The following PRRC2B variants were observed in gnomAD, a reference collection of about 807,000 sequenced individuals.
The protein encoded by PRRC2B is protein PRRC2B.
Under a neutral mutation model 242.3 loss-of-function variants are expected in PRRC2B, and 68 were observed. That is an observed-to-expected ratio of 0.28 (90% CI 0.23 to 0.34). The LOEUF (loss-of-function observed/expected upper bound fraction) is 0.34, where lower values mean the gene tolerates loss of function less well. PRRC2B is among the 10% of genes least tolerant of loss of function. The pLI, the probability that PRRC2B is intolerant of heterozygous loss-of-function variation, is 1.00. For synonymous variants in PRRC2B, 1,228 were observed against 1,173.6 expected, an observed-to-expected ratio of 1.05 and a Z score of -0.95; for missense variants, 2,835 against 2,954.8, an observed-to-expected ratio of 0.96 and a Z score of 0.94.
intron 3 of PRRC2B, among the ~76,000 whole-genome samples, chr9:131,436,160 T>G (rs938215980): frequency 6.6e-6 from 1 of 152,140 alleles, no homozygotes; most frequent in African/African-American, 2.4e-5. Flanking sequence ...GAGCTTTTAG[T>G]TTTTGCAGAC....
intron 9 of PRRC2B, among the ~76,000 whole-genome samples, chr9:131,453,771 ATCC>A: frequency 6.6e-6 from 1 of 152,234 alleles, no homozygotes; most frequent in South Asian, 2.1e-4. Context: ...GCCTCAAGTG[ATCC>A]TCCTGCCTTG....
chr9:131,408,197 A>T (rs1837417200), intron 1 of PRRC2B, among the ~76,000 whole-genome samples: 1 of 152,178 alleles, frequency 6.6e-6, no homozygotes, highest in Non-Finnish European at 1.5e-5. Context: ...AATTTACCTA[A>T]TGAGAGGTCT....
rs1034640356 is a variant in PRRC2B, at chr9:131,499,159, AC to A, written c.*3286del. 1 of 152,132 alleles carries A rather than the reference AC, an allele frequency of 6.6e-6. No individual in the cohort carries two copies. The highest frequency in any genetic ancestry group is 2.4e-5 in the African/African-American group (1 of 41,408). The allele number at this position is 152,132 out of a possible 1,614,324, so 9.4% of individuals were successfully genotyped here. A position where few individuals can be genotyped will look rare whatever the true frequency, so the allele number is the denominator to read the frequency against. ...CACTGGGGAACCTTGTTAAACGTTG[AC>A]ATCAGTGCTCTCCAGCCGTGCTGTC... On this transcript the variant is annotated 3_prime_UTR_variant, in exon 32 of 32. Transcript: ENST00000683519.
intron 11 of PRRC2B, among the ~76,000 whole-genome samples, chr9:131,460,265 C>T (rs1352965200): frequency 6.6e-6 from 1 of 152,202 alleles, no homozygotes; most frequent in Non-Finnish European, 1.5e-5. Flanking sequence ...CGAAATAATC[C>T]AGTTCAGAAT....
At chr9:131,415,594 T>C (rs1346924614) in intron 1 of PRRC2B, among the ~76,000 whole-genome samples, 1 of 152,082 alleles carries the variant, frequency 6.6e-6, no homozygotes, top group Non-Finnish European at 1.5e-5. Flanking sequence ...TCTGAAAAAG[T>C]CTTTTTCTGT....
chr9:131,399,002 A>G (rs1286099364), intron 1 of PRRC2B, among the ~76,000 whole-genome samples: 1 of 151,848 alleles, frequency 6.6e-6, no homozygotes, highest in Non-Finnish European at 1.5e-5. Flanking sequence ...TAGGTCGGGC[A>G]CGGTGGCTCA....
rs559752128 is a variant in PRRC2B, at chr9:131,383,391, C to G, written c.-56+9660C>G. On this transcript the variant is annotated intron_variant, in intron 1 of 1. Coordinates refer to the PRRC2B transcript ENST00000682525. ...AGCTGGAGGCCTCACATTCCTGGAT[C>G]AGATCATATTACAAGTTAGCTGTGG... Among the ~76,000 whole-genome samples, 129 of 151,996 alleles carry G rather than the reference C, an allele frequency of 8.5e-4. 1 individual carries two copies. The Middle Eastern group carries it at 9.5e-3, about 11-fold the overall frequency.
intron 1 of PRRC2B, among the ~76,000 whole-genome samples, chr9:131,427,609 A>C (rs1168139862): frequency 1.3e-5 from 2 of 151,522 alleles, no homozygotes; most frequent in Non-Finnish European, 2.9e-5. Context: ...GGATTACAGG[A>C]GTGAGCCACC....
At chr9:131,441,723 T>C (rs1838585081) in intron 5 of PRRC2B, among the ~76,000 whole-genome samples, 1 of 152,156 alleles carries the variant, frequency 6.6e-6, no homozygotes. Context: ...TCATGACTCT[T>C]TGGAATTCAA....
chr9:131,468,648 C>G (rs796817670), intron 13 of PRRC2B, among the ~76,000 whole-genome samples: 2 of 152,182 alleles, frequency 1.3e-5, no homozygotes, highest in Admixed American at 6.5e-5. Context: ...TGGTGGGACA[C>G]TGAGATGATA....
intron 23 of PRRC2B, among the ~76,000 whole-genome samples, chr9:131,484,301 C>A (rs142454697): frequency 6.6e-6 from 1 of 152,178 alleles, no homozygotes. Flanking sequence ...TGTGTGCGGG[C>A]TGCCAGTCCA....
At chr9:131,483,306 A>C in intron 22 of PRRC2B, 53 bp from the exon 23 acceptor site, 1 of 1,502,744 alleles carries the variant, frequency 6.7e-7, no homozygotes, top group Middle Eastern at 1.7e-4. Flanking sequence ...CCTCTGGGGA[A>C]TGTAGGGCCA....
chr9:131,492,130 G>A, intron 29 of PRRC2B, 39 bp from the exon 30 acceptor site: 1 of 1,505,188 alleles, frequency 6.6e-7, no homozygotes, highest in Non-Finnish European at 9.2e-7. Flanking sequence ...CTGTCTCCAG[G>A]GCCTCAAATG....
rs1221873344 is a variant in PRRC2B at position 131,491,559 on chromosome 9, A to C, written c.6360A>C (p.Pro2120=). The C allele has an allele frequency of 1.9e-6, 3 of 1,611,618 alleles. No homozygotes were observed. The South Asian group carries it at 3.3e-5, about 18-fold the overall frequency. The stretch of plus-strand genomic sequence containing the variant: ...TTCCTCCGCCCGGGTCCCAGCCGCC[A>C]GTCCTGAACACCAGCAGAGAGGTAA... ...RRIPPPGSQP[P]VLNTSREPSQ... is the part of the protein sequence containing the mutation. The change falls in exon 29 of 32, where the codon CCA becomes CCC. Residue 2120 remains proline, a synonymous_variant. Coordinates refer to ENST00000683519, the MANE Select transcript of PRRC2B (RefSeq NM_013318.4).
chr9:131,375,754 C>T (rs114753678), intron 1 of PRRC2B, among the ~76,000 whole-genome samples: 5,950 of 152,108 alleles, frequency 0.039, 379 homozygotes, highest in African/African-American at 0.13. Flanking sequence ...TTCGGCTGGG[C>T]GCGGTGGCTC....
upstream of PRRC2B, among the ~76,000 whole-genome samples, chr9:131,391,500 C>A (rs1836899480): frequency 6.6e-6 from 1 of 152,156 alleles, no homozygotes; most frequent in African/African-American, 2.4e-5. Context: ...TCTACAGAAT[C>A]CCTTTTGCCA....
intron 1 of PRRC2B, among the ~76,000 whole-genome samples, chr9:131,374,058 C>CAAA (rs533611596): frequency 1.1e-5 from 1 of 87,954 alleles, no homozygotes; most frequent in Non-Finnish European, 2.3e-5. Flanking sequence ...GACTCCGTCT[C>CAAA]AAAAAAAAAA....
At chr9:131,481,573 G>C (rs1179709636) in intron 19 of PRRC2B, among the ~76,000 whole-genome samples, 153 bp from the exon 20 acceptor site, 5 of 152,160 alleles carry the variant, frequency 3.3e-5, no homozygotes, top group Admixed American at 3.3e-4. Context: ...CCGTTCACTG[G>C]GTGTCACGGG....
chr9:131,415,076 T>G (rs1837611216), intron 1 of PRRC2B, among the ~76,000 whole-genome samples: 1 of 152,134 alleles, frequency 6.6e-6, no homozygotes, highest in South Asian at 2.1e-4. Context: ...CACTGTAACC[T>G]CTGCCTCACA....
Sources: gnomAD v4.1 joint callset for allele counts (sites outside exome capture counted in the v4.1 genomes callset) on GRCh38, gnomAD v4.1.1 for gene constraint, MANE v1.5 for transcripts, NCBI Gene and HGNC (gene_info 2026-07-23, HGNC 2026-07-21) for gene names.